The following CSMD3 variants were observed in gnomAD, a reference collection of about 807,000 sequenced individuals.
CSMD3 encodes the protein CUB and Sushi multiple domains 3.
CSMD3 carries 177 observed loss-of-function variants against 435.2 expected under a neutral mutation model. The ratio of observed to expected loss-of-function variants is 0.41; its 90% CI spans 0.36 to 0.46. The LOEUF (loss-of-function observed/expected upper bound fraction) is 0.46, where lower values mean the gene tolerates loss of function less well. Ranked by LOEUF, CSMD3 falls within the 20% of genes least tolerant of loss-of-function variation. CSMD3 has a pLI of 0.34. For synonymous variants in CSMD3, 1,656 were observed against 1,520.5 expected, an observed-to-expected ratio of 1.09 and a Z score of -2.07; for missense variants, 4,265 against 4,504.6, an observed-to-expected ratio of 0.95 and a Z score of 1.52.
At chr8:112,540,205 A>C (rs1826527452) in intron 27 of CSMD3, among the ~76,000 whole-genome samples, 1 of 152,048 alleles carries the variant, frequency 6.6e-6, no homozygotes, top group South Asian at 2.1e-4. Flanking sequence ...ACTAATAATC[A>C]GGGAAATGCG....
chr8:112,245,518 T>C (rs1162207803), intron 64 of CSMD3, among the ~76,000 whole-genome samples: 7 of 152,104 alleles, frequency 4.6e-5, no homozygotes, highest in Admixed American at 3.9e-4. Flanking sequence ...CTAAACATTG[T>C]GTTAAATGGT....
chr8:113,025,485 C>G (rs1262838114), intron 5 of CSMD3, among the ~76,000 whole-genome samples: 2 of 152,122 alleles, frequency 1.3e-5, no homozygotes, highest in East Asian at 1.9e-4. Flanking sequence ...GATAGTTTGG[C>G]TGGCACTAGG....
chr8:112,319,340 A>G (rs1822769786), intron 46 of CSMD3, among the ~76,000 whole-genome samples: 4 of 152,222 alleles, frequency 2.6e-5, no homozygotes, highest in African/African-American at 9.6e-5. Context: ...CAAAATCAAT[A>G]TAATAATAAT....
intron 36 of CSMD3, 64 bp downstream of exon 36, chr8:112,390,600 G>C (rs1341043675): frequency 1.5e-6 from 2 of 1,318,938 alleles, no homozygotes; most frequent in Non-Finnish European, 1.1e-6. Flanking sequence ...TGTTCATTCT[G>C]TCATCTCTGA....
At chr8:112,573,208 A>C (rs1347819088) in intron 24 of CSMD3, among the ~76,000 whole-genome samples, 1 of 152,126 alleles carries the variant, frequency 6.6e-6, no homozygotes, top group Non-Finnish European at 1.5e-5. Flanking sequence ...TATTTCTTAA[A>C]TACTGGATGA....
chr8:113,398,957 A>G (rs190997446), intron 1 of CSMD3, among the ~76,000 whole-genome samples: 300 of 151,574 alleles, frequency 2.0e-3, no homozygotes, highest in African/African-American at 7.0e-3. Context: ...TTTGAACCTT[A>G]AAGATGATCT....
intron 24 of CSMD3, among the ~76,000 whole-genome samples, chr8:112,566,676 T>C (rs1376759503): frequency 1.3e-5 from 2 of 150,696 alleles, no homozygotes; most frequent in African/African-American, 2.4e-5. Context: ...GTTGTGCCAA[T>C]AGAAAAAGGC....
At chr8:112,840,399 T>C (rs1026723436) in intron 11 of CSMD3, among the ~76,000 whole-genome samples, 1 of 151,708 alleles carries the variant, frequency 6.6e-6, no homozygotes, top group African/African-American at 2.4e-5. Flanking sequence ...CATTGTATTA[T>C]TGTGGTTACC....
chr8:112,594,743 C>G (rs1026964186), intron 22 of CSMD3, among the ~76,000 whole-genome samples: 1 of 152,188 alleles, frequency 6.6e-6, no homozygotes, highest in African/African-American at 2.4e-5. Context: ...AGGCACCCCC[C>G]AGTAGGGGCA....
At position 112,975,910 on chromosome 8, in the gene CSMD3, T is replaced by A. The variant is rs143752265; in HGVS notation, c.1269A>T (p.Gln423His). The A allele has an allele frequency of 7.4e-6, 12 of 1,614,008 alleles. No individual in the cohort carries two copies. The highest frequency in any genetic ancestry group is 5.9e-6 in the Non-Finnish European group (7 of 1,179,928). The change falls in exon 7 of 71, where the codon CAA becomes CAT. Residue 423 changes from glutamine to histidine, a missense_variant. Coordinates refer to ENST00000297405, the MANE Select transcript of CSMD3 (RefSeq NM_198123.2). ...CATGTCTTGGTCTTCTCCTGGTACT[T>A]TGTGTATCTGCTGGATGAGGAGAGA... ...DGLSPHPADTQSTRRRPRHAE... is the reference protein window; with the variant it reads ...DGLSPHPADTHSTRRRPRHAE...
At chr8:112,676,840 C>A (rs1048581807) in intron 16 of CSMD3, among the ~76,000 whole-genome samples, 1 of 152,086 alleles carries the variant, frequency 6.6e-6, no homozygotes, top group Non-Finnish European at 1.5e-5. Context: ...TATACTACAT[C>A]TCATGGCCTG....
At chr8:112,511,522 T>C (rs1586562088) in intron 28 of CSMD3, among the ~76,000 whole-genome samples, 2 of 151,420 alleles carry the variant, frequency 1.3e-5, no homozygotes, top group East Asian at 2.0e-4. Context: ...CCTGAGTAGC[T>C]GGGACTACAG....
At chr8:113,153,130 A>AGAAAGAAGGAAGGAAGGAAGGAAGGAAG (rs2091859152) in intron 4 of CSMD3, among the ~76,000 whole-genome samples, 1 of 82,736 alleles carries the variant, frequency 1.2e-5, no homozygotes, top group Non-Finnish European at 2.2e-5. Flanking sequence ...AGAAAGAGAA[A>AGAAAGAAGGAAGGAAGGAAGGAAGGAAG]GAAGGAAGGA....
intron 13 of CSMD3, among the ~76,000 whole-genome samples, chr8:112,741,830 A>G (rs536982065): frequency 1.8e-5 from 2 of 111,196 alleles, no homozygotes; most frequent in East Asian, 5.9e-4. Context: ...GATAGATAAC[A>G]CAAAAAGTTG....
intron 3 of CSMD3, among the ~76,000 whole-genome samples, chr8:113,271,294 A>G (rs1470808037): frequency 2.0e-5 from 3 of 152,136 alleles, no homozygotes; most frequent in Non-Finnish European, 4.4e-5. Flanking sequence ...TGGGGAAAAT[A>G]TCTCCAGGGC....
chr8:113,085,019 A>C (rs1216091206), intron 5 of CSMD3, among the ~76,000 whole-genome samples: 1 of 152,146 alleles, frequency 6.6e-6, no homozygotes, highest in Non-Finnish European at 1.5e-5. Context: ...AAACTACTAG[A>C]AGAATGCATA....
Position 113,098,981 on chromosome 8 carries a change from A to C in CSMD3, c.710-18T>G, listed in dbSNP as rs1421289282. 12 of 1,501,278 alleles carry C rather than the reference A, an allele frequency of 8.0e-6. No individual in the cohort carries two copies. Among genetic ancestry groups the C allele is most frequent in the Non-Finnish European group, 1.0e-5 (11 of 1,078,356 alleles). 93.0% of individuals were successfully genotyped at this position (1,501,278 alleles called of 1,614,324 possible). The stretch of plus-strand genomic sequence containing the variant: ...ATCTTCAGCTGTTAAAAATGACAAA[A>C]TATTCAGTTGTAAGTTATTGAGATA... On this transcript the variant is annotated intron_variant, in intron 4 of 70. Coordinates refer to ENST00000297405, the MANE Select transcript of CSMD3 (RefSeq NM_198123.2).
chr8:113,226,526 T>A (rs1235442384), intron 3 of CSMD3, among the ~76,000 whole-genome samples: 2 of 151,578 alleles, frequency 1.3e-5, no homozygotes, highest in African/African-American at 4.8e-5. Context: ...ATATGGTCCA[T>A]CCCTTGGTTC....
intron 3 of CSMD3, among the ~76,000 whole-genome samples, chr8:113,206,036 A>G (rs562011495): frequency 6.6e-6 from 1 of 152,090 alleles, no homozygotes; most frequent in Admixed American, 6.6e-5. Context: ...CTTTGTTTAT[A>G]TGTTATCAAC....
Sources: gnomAD v4.1 joint callset for allele counts (sites outside exome capture counted in the v4.1 genomes callset) on GRCh38, gnomAD v4.1.1 for gene constraint, MANE v1.5 for transcripts, NCBI Gene and HGNC (gene_info 2026-07-23, HGNC 2026-07-21) for gene names.